TRMT2B: variants seen among roughly 807,000 people sequenced by gnomAD.
The protein encoded by TRMT2B is tRNA (uracil-5-)-methyltransferase homolog B.
TRMT2B carries 34 observed loss-of-function variants against 39.7 expected under a neutral mutation model. The ratio of observed to expected loss-of-function variants is 0.86; its 90% CI spans 0.65 to 1.14. The LOEUF is 1.14. Ranked by LOEUF, TRMT2B falls within the 50% of genes most tolerant of loss-of-function variation. The pLI, the probability that TRMT2B is intolerant of heterozygous loss-of-function variation, is 0.00. For synonymous variants in TRMT2B, 132 were observed against 137.3 expected, an observed-to-expected ratio of 0.96 and a Z score of 0.27; for missense variants, 318 against 377.2, an observed-to-expected ratio of 0.84 and a Z score of 1.30.
At chrX:100,999,181 A>G in the TRMT2B span, among the ~76,000 whole-genome samples, 94 of 112,598 alleles carry the variant, frequency 8.3e-4, 1 homozygote, top group Non-Finnish European at 1.6e-3. Context: ...TCTGGGCCAC[A>G]TGTGGGCACT....
At chrX:101,036,848 G>C in intron 6 of TRMT2B, 126 bp downstream of exon 6, 1 of 516,037 alleles carries the variant, frequency 1.9e-6, no homozygotes, top group Non-Finnish European at 3.4e-6. Flanking sequence ...TTGTGATCAC[G>C]TTCTGCATCA....
At chrX:101,014,228 C>G (rs1172613592) in intron 13 of TRMT2B, among the ~76,000 whole-genome samples, 1 of 112,358 alleles carries the variant, frequency 8.9e-6, no homozygotes, top group Non-Finnish European at 1.9e-5. Flanking sequence ...CTCTGGTAGT[C>G]CACACAAGAA....
chrX:101,034,973 A>G (rs539091323), intron 7 of TRMT2B, among the ~76,000 whole-genome samples: 1 of 111,996 alleles, frequency 8.9e-6, no homozygotes, highest in Non-Finnish European at 1.9e-5. Flanking sequence ...TGGAGGTTGC[A>G]GTGAGCTGAG....
At chrX:101,041,414 T>A in intron 3 of TRMT2B, 43 bp from the exon 4 acceptor site, 1 of 1,098,465 alleles carries the variant, frequency 9.1e-7, no homozygotes, top group South Asian at 1.9e-5. Flanking sequence ...TATATAAATA[T>A]GTACTGAGTG....
intron 13 of TRMT2B, among the ~76,000 whole-genome samples, chrX:101,016,284 A>G (rs1302276187): frequency 9.0e-6 from 1 of 111,019 alleles, no homozygotes; most frequent in Non-Finnish European, 1.9e-5. Flanking sequence ...GCAACAACCT[A>G]TCTACTTTCT....
At chrX:101,019,154 G>A (rs1177435733) in intron 12 of TRMT2B, 84 bp from the exon 13 acceptor site, 1 of 1,115,450 alleles carries the variant, frequency 9.0e-7, no homozygotes, top group African/African-American at 1.8e-5. Context: ...CAGAACTCAG[G>A]ATTGATTAGA....
At chrX:101,002,517 C>T in the TRMT2B span, among the ~76,000 whole-genome samples, 1 of 111,648 alleles carries the variant, frequency 9.0e-6, no homozygotes, top group Non-Finnish European at 1.9e-5. Flanking sequence ...CAGTGGCTCA[C>T]GCCTGTAATC....
At chrX:101,027,907 T>G (rs771385825) in intron 7 of TRMT2B, among the ~76,000 whole-genome samples, 1 of 107,668 alleles carries the variant, frequency 9.3e-6, no homozygotes, top group African/African-American at 3.3e-5. Flanking sequence ...ATCCTTCCAC[T>G]TGCTCTACAC....
At chrX:101,046,922 G>A (rs1261223714) in intron 2 of TRMT2B, among the ~76,000 whole-genome samples, 2 of 109,341 alleles carry the variant, frequency 1.8e-5, no homozygotes, top group African/African-American at 6.7e-5. Flanking sequence ...GCGAAACTCC[G>A]TCCCCCCAGC....
the TRMT2B span, chrX:100,988,333 T>C: frequency 8.3e-7 from 1 of 1,201,678 alleles, no homozygotes; most frequent in African/African-American, 1.8e-5. Flanking sequence ...CCTGAACACG[T>C]GGGCACCAAC....
chrX:100,982,062 G>T, the TRMT2B span, among the ~76,000 whole-genome samples: 1 of 110,754 alleles, frequency 9.0e-6, no homozygotes, highest in Non-Finnish European at 1.9e-5. Context: ...GCACAAGCAG[G>T]TGTCCTAAAT....
At chrX:101,037,177 G>A (rs759687889) in intron 5 of TRMT2B, 104 bp from the exon 6 acceptor site, 76 of 635,231 alleles carry the variant, frequency 1.2e-4, no homozygotes, top group African/African-American at 1.1e-3. Flanking sequence ...GGACAAATAA[G>A]GTTTGCTTGG....
chrX:100,984,111 G>T, the TRMT2B span, among the ~76,000 whole-genome samples: 5 of 104,621 alleles, frequency 4.8e-5, no homozygotes, highest in African/African-American at 6.9e-5. Flanking sequence ...TTTTTTTTTT[G>T]TTTTTTGTTT....
chrX:100,975,131 T>C, the TRMT2B span, among the ~76,000 whole-genome samples: 3 of 111,954 alleles, frequency 2.7e-5, no homozygotes, highest in Non-Finnish European at 3.8e-5. Context: ...AAGATAAAAC[T>C]TAAGTTTCTT....
intron 2 of TRMT2B, 141 bp from the exon 3 acceptor site, chrX:101,042,453 G>T: frequency 1.6e-6 from 1 of 625,630 alleles, no homozygotes; most frequent in South Asian, 3.6e-5. Context: ...AGCCTGTTGA[G>T]CAGAACTGAA....
the TRMT2B span, among the ~76,000 whole-genome samples, chrX:101,001,824 C>CAAA: frequency 1.0e-4 from 6 of 59,956 alleles, no homozygotes; most frequent in African/African-American, 2.7e-4. Context: ...AAGTGATATT[C>CAAA]AAAAAAAAAA....
chrX:101,019,180 G>A, intron 12 of TRMT2B, 104 bp downstream of exon 12: 1 of 1,147,567 alleles, frequency 8.7e-7, no homozygotes, highest in Non-Finnish European at 1.2e-6. Context: ...AGGGGAAACA[G>A]GTTCAGAGCC....
At chrX:100,988,193 CT>C in the TRMT2B span, 55 of 1,202,148 alleles carry the variant, frequency 4.6e-5, no homozygotes, top group Non-Finnish European at 5.6e-5. Context: ...CTTCCACCAG[CT>C]TCTCCACCAG....
At chrX:100,983,287 C>T in the TRMT2B span, among the ~76,000 whole-genome samples, 2 of 110,450 alleles carry the variant, frequency 1.8e-5, no homozygotes, top group African/African-American at 6.6e-5. Context: ...TTTTCTCTGA[C>T]AGGGCAAAAA....
Sources: gnomAD v4.1 joint callset for allele counts (sites outside exome capture counted in the v4.1 genomes callset) on GRCh38, gnomAD v4.1.1 for gene constraint, MANE v1.5 for transcripts, NCBI Gene and HGNC (gene_info 2026-07-23, HGNC 2026-07-21) for gene names.